CDKAL1: variants seen among roughly 807,000 people sequenced by gnomAD.
The protein encoded by CDKAL1 is CDKAL1 threonylcarbamoyladenosine tRNA methylthiotransferase.
Under a neutral mutation model 68.2 loss-of-function variants are expected in CDKAL1, and 32 were observed. The ratio of observed to expected loss-of-function variants is 0.47; its 90% CI spans 0.35 to 0.63. The LOEUF is 0.63. CDKAL1 is among the 30% of genes least tolerant of loss of function. The pLI is 0.00. For missense variants in CDKAL1, 606 were observed against 696.7 expected (o/e 0.87, Z 1.47); for synonymous variants, 234 against 244.3 (o/e 0.96, Z 0.39).
intron 9 of CDKAL1, among the ~76,000 whole-genome samples, chr6:20,873,142 G>C (rs1760310707): frequency 6.6e-6 from 1 of 152,142 alleles, no homozygotes; most frequent in Non-Finnish European, 1.5e-5. Context: ...TGGAGTAAAA[G>C]CTGAAGAGGG....
At chr6:20,659,646 C>A (rs1393082514) in intron 5 of CDKAL1, among the ~76,000 whole-genome samples, 1 of 152,166 alleles carries the variant, frequency 6.6e-6, no homozygotes, top group Non-Finnish European at 1.5e-5. Context: ...CGTCTTTGAT[C>A]TGTATATCTC....
At chr6:20,811,343 T>C (rs1013940458) in intron 8 of CDKAL1, among the ~76,000 whole-genome samples, 2 of 152,232 alleles carry the variant, frequency 1.3e-5, no homozygotes, top group African/African-American at 4.8e-5. Flanking sequence ...ACCAAGGAGA[T>C]AAATGTCGAG....
chr6:21,082,680 C>T (rs1486988423), intron 12 of CDKAL1, among the ~76,000 whole-genome samples: 3 of 151,906 alleles, frequency 2.0e-5, no homozygotes, highest in East Asian at 1.9e-4. Flanking sequence ...ATGATTTTGT[C>T]TTTTATAGAA....
At chr6:21,219,244 A>G (rs1288870535) in intron 15 of CDKAL1, among the ~76,000 whole-genome samples, 1 of 152,208 alleles carries the variant, frequency 6.6e-6, no homozygotes, top group Non-Finnish European at 1.5e-5. Context: ...CTTATATAAA[A>G]TGACATAGTT....
At chr6:20,597,433 G>T (rs1029195406) in intron 4 of CDKAL1, among the ~76,000 whole-genome samples, 1 of 143,262 alleles carries the variant, frequency 7.0e-6, no homozygotes, top group Non-Finnish European at 1.5e-5. Context: ...TTATTTTTTT[G>T]AGGCAGAGTC....
rs71658260 is a variant in CDKAL1 at position 20,902,311 on chromosome 6, T to TCACACA, written c.743-53065_743-53060dup. Among the ~76,000 whole-genome samples the TCACACA allele has an allele frequency of 1.2e-3, 10 of 8,222 alleles. No individual in the cohort carries two copies. The South Asian group carries it at 0.015, about 12-fold the overall frequency. 5.4% of individuals were successfully genotyped at this position (8,222 alleles called of 152,430 possible). A position where few individuals can be genotyped will look rare whatever the true frequency, so the allele number is the denominator to read the frequency against. ...TACTTAAAGAAATCACGTGGTGGAT[T>TCACACA]CACACACACACACACACACACACAC... On this transcript the variant is annotated intron_variant, in intron 9 of 15. Coordinates refer to ENST00000274695, the MANE Select transcript of CDKAL1 (RefSeq NM_017774.3).
chr6:20,929,219 A>G (rs1763317071), intron 9 of CDKAL1, among the ~76,000 whole-genome samples: 1 of 152,234 alleles, frequency 6.6e-6, no homozygotes, highest in Non-Finnish European at 1.5e-5. Context: ...TCCTGGGCAC[A>G]TGGTGCCAAG....
chr6:20,703,067 G>A (rs1771442728), intron 5 of CDKAL1, among the ~76,000 whole-genome samples: 1 of 152,208 alleles, frequency 6.6e-6, no homozygotes, highest in African/African-American at 2.4e-5. Flanking sequence ...TAGAATATGT[G>A]TTGCAAATAT....
intron 13 of CDKAL1, among the ~76,000 whole-genome samples, chr6:21,140,443 G>A (rs1481123347): frequency 6.6e-6 from 1 of 152,178 alleles, no homozygotes; most frequent in Admixed American, 6.5e-5. Context: ...ACCTGCCTTG[G>A]GCATCCCTTT....
intron 4 of CDKAL1, among the ~76,000 whole-genome samples, chr6:20,549,405 T>C (rs906413883): frequency 1.3e-5 from 2 of 152,110 alleles, no homozygotes; most frequent in African/African-American, 4.8e-5. Context: ...CCATGTCTGC[T>C]AGGTTTCTTT....
intron 5 of CDKAL1, among the ~76,000 whole-genome samples, chr6:20,649,832 TC>T (rs762825921): frequency 2.6e-5 from 4 of 152,318 alleles, no homozygotes; most frequent in Non-Finnish European, 4.4e-5. Context: ...GTTTTTCTGT[TC>T]CTGTATTAGT....
intron 4 of CDKAL1, among the ~76,000 whole-genome samples, chr6:20,557,595 C>G (rs191611494): frequency 6.6e-6 from 1 of 152,030 alleles, no homozygotes; most frequent in East Asian, 1.9e-4. Context: ...GTTTTATGTA[C>G]TGCAAAACTG....
At chr6:20,936,485 C>A (rs1323563682) in intron 9 of CDKAL1, among the ~76,000 whole-genome samples, 1 of 151,010 alleles carries the variant, frequency 6.6e-6, no homozygotes, top group Non-Finnish European at 1.5e-5. Flanking sequence ...CTCCTGACCT[C>A]GTGATCCGCC....
chr6:20,979,109 G>T (rs1212508574), intron 10 of CDKAL1, among the ~76,000 whole-genome samples: 1 of 152,178 alleles, frequency 6.6e-6, no homozygotes, highest in Non-Finnish European at 1.5e-5. Flanking sequence ...ATGCAGAAAT[G>T]TAAGTATAAA....
At chr6:20,954,921 T>C (rs1156671238) in intron 9 of CDKAL1, among the ~76,000 whole-genome samples, 1 of 152,154 alleles carries the variant, frequency 6.6e-6, no homozygotes, top group Admixed American at 6.5e-5. Flanking sequence ...CAGACTAGAA[T>C]AGTTGCTATG....
At chr6:20,598,171 A>G (rs1016682981) in intron 4 of CDKAL1, among the ~76,000 whole-genome samples, 7 of 152,244 alleles carry the variant, frequency 4.6e-5, no homozygotes, top group African/African-American at 1.7e-4. Context: ...GCTGTAAAGC[A>G]TTGGAGGGTT....
intron 4 of CDKAL1, among the ~76,000 whole-genome samples, chr6:20,554,394 A>G (rs1279135025): frequency 6.6e-6 from 1 of 152,000 alleles, no homozygotes; most frequent in Non-Finnish European, 1.5e-5. Flanking sequence ...TTGTTTTTGG[A>G]TTATTTCTTT....
In CDKAL1 at chr6:20,546,423, C is replaced by G; in HGVS notation, c.73C>G (p.Gln25Glu). ...DIVSQEDSKP[Q>E]DRHFVRKDVV... ...CGTGTCTCAGGAAGATTCAAAACCA[C>G]AAGATAGGCATTTTGTAAGAAAGGA... Residue 25 changes from glutamine (Q) to glutamate (E), a missense_variant, in exon 3 of 16, where the codon CAA (glutamine) becomes GAA (glutamate). Gln to Glu is a conservative substitution (Grantham distance 29). Coordinates refer to ENST00000274695, the MANE Select transcript of CDKAL1 (RefSeq NM_017774.3). 6.2e-7 allele frequency: 1 copy of G among 1,613,994 alleles called. No individual in the cohort carries two copies. Among genetic ancestry groups the G allele is most frequent in the East Asian group, 2.2e-5 (1 of 44,868 alleles).
In CDKAL1 at chr6:20,591,493, C is replaced by T. The variant is rs374658528; in HGVS notation, c.286+42788C>T. Among the ~76,000 whole-genome samples, 16 of 152,164 alleles carry T rather than the reference C, an allele frequency of 1.1e-4. 1 individual carries two copies. The highest frequency in any genetic ancestry group is 3.9e-4 in the Admixed American group (6 of 15,290). ...AGGGTTTTTATGATTTTAGGTCTTACGTTTAAGTCTTTAATCCATCTTGAG... is the reference window on the plus strand; with the variant it reads ...AGGGTTTTTATGATTTTAGGTCTTATGTTTAAGTCTTTAATCCATCTTGAG... On this transcript the variant is annotated intron_variant, in intron 4 of 15. Transcript: ENST00000274695.
Sources: allele counts gnomAD v4.1 joint callset (sites outside exome capture counted in the v4.1 genomes callset), GRCh38; gene constraint gnomAD v4.1.1; transcripts MANE v1.5; gene names NCBI Gene and HGNC (gene_info 2026-07-23, HGNC 2026-07-21).